Variants in ARFGAP2 observed in about 807,000 individuals in gnomAD.
ARFGAP2 encodes ARF GTPase activating protein 2.
ARFGAP2 carries 45 observed loss-of-function variants against 71.9 expected under a neutral mutation model. That is an observed-to-expected ratio of 0.63 (90% confidence interval 0.49 to 0.80). The LOEUF (loss-of-function observed/expected upper bound fraction) is 0.80. ARFGAP2 is among the 30% of genes least tolerant of loss of function. The pLI is 0.00. For missense variants in ARFGAP2, 633 were observed against 673.9 expected, an observed-to-expected ratio of 0.94 and a Z score of 0.67; for synonymous variants, 248 against 249.2, an observed-to-expected ratio of 1.00 and a Z score of 0.05.
chr11:47,175,614 G>A (rs753596251), intron 3 of ARFGAP2: 7 of 624,504 alleles, frequency 1.1e-5, no homozygotes, highest in African/African-American at 3.7e-5. Flanking sequence ...CAATGACTGT[G>A]AAGGCTCCCA....
At position 47,171,686 on chromosome 11, in the gene ARFGAP2, T is replaced by C. The variant is rs527666355; in HGVS notation, c.787A>G (p.Lys263Glu). Residue 263 changes from lysine to glutamate, a missense_variant, in exon 9 of 16, where the codon AAG becomes GAG. Coordinates refer to ENST00000524782, the MANE Select transcript of ARFGAP2 (RefSeq NM_032389.6). ...KLREQQAADA[K>E]KQAEESMVAS... is the part of the protein sequence containing the mutation. ...TACATGGACTCCTCCGCCTGCTTCT[T>C]GGCATCGGCTGCCTGCTGCTCACGG... 1 of 1,613,854 alleles carries C rather than the reference T, an allele frequency of 6.2e-7. No homozygotes were observed. Among genetic ancestry groups the C allele is most frequent in the African/African-American group, 1.3e-5 (1 of 75,056 alleles).
chr11:47,175,061 T>C lies in ARFGAP2; in HGVS notation c.434A>G (p.His145Arg). ...IDNMSSAVPN[H>R]SPEKKDSDFF... ...ATCAGAGTCCTTCTTCTCTGGGGAG[T>C]GATTAGGAACGGCACTACTCATGTT... Residue 145 changes from histidine (H) to arginine (R), a missense_variant, in exon 5 of 16, where the codon CAC (histidine) becomes CGC (arginine). Transcript: ENST00000524782. 1 of 1,613,584 alleles carries C rather than the reference T, an allele frequency of 6.2e-7. No individual in the cohort carries two copies. The highest frequency in any genetic ancestry group is 8.5e-7 in the Non-Finnish European group (1 of 1,179,938).
Position 47,167,952 on chromosome 11 carries a change from CCTT to C in ARFGAP2, c.1159_1161del (p.Lys387del), listed in dbSNP as rs761074026. 1.9e-6 allele frequency: 3 copies of C among 1,613,808 alleles called. No individual in the cohort carries two copies. The highest frequency in any genetic ancestry group is 2.5e-6 in the Non-Finnish European group (3 of 1,179,850). On this transcript the variant is annotated inframe_deletion, in exon 12 of 16. Transcript: ENST00000524782. ...ATGCTTGAGATGGTCACTTCTGGCT[CCTT>C]CTCCTCTACCCTGTCCATACCCCAG...
chr11:47,174,508 G>T (rs2135436477), intron 5 of ARFGAP2: 1 of 156,986 alleles, frequency 6.4e-6, no homozygotes, highest in East Asian at 1.8e-4. Flanking sequence ...CCATTCTCCT[G>T]CCTCAGCCTC....
Position 47,165,284 on chromosome 11 carries a change from G to T in ARFGAP2, c.*198C>A. 1.9e-6 allele frequency: 1 copy of T among 526,392 alleles called. No homozygotes were observed. Among genetic ancestry groups the T allele is most frequent in the Non-Finnish European group, 3.2e-6 (1 of 312,956 alleles). The allele number at this position is 526,392 out of a possible 1,614,324, so 32.6% of individuals were successfully genotyped here. On this transcript the variant is annotated 3_prime_UTR_variant, in exon 16 of 16. Coordinates refer to ENST00000524782, the MANE Select transcript of ARFGAP2 (RefSeq NM_032389.6). ...GGTGTGAGAGGGAATAAAGGGCTCA[G>T]TCCACAGGCAGAGGACAAGGGCTGG... is the stretch of plus-strand genomic sequence containing the variant.
At chr11:47,175,763 G>C (rs981035214) in intron 3 of ARFGAP2, 88 bp downstream of exon 3, 3 of 1,500,252 alleles carry the variant, frequency 2.0e-6, no homozygotes, top group Non-Finnish European at 1.9e-6. Context: ...CCTCTGAACA[G>C]GGAAAACGAC....
Position 47,167,902 on chromosome 11 carries a change from ACT to A in ARFGAP2, c.1205+5_1205+6del. ...AGAAAGAAAAAAGAAAAAACAGCCC[ACT>A]CTACCTTTCTGAAATAGGCCGGATG... On this transcript the variant is annotated splice_donor_5th_base_variant and intron_variant, in intron 12 of 15. Coordinates refer to ENST00000524782, the MANE Select transcript of ARFGAP2 (RefSeq NM_032389.6). The A allele has an allele frequency of 1.9e-6, 3 of 1,592,430 alleles. No individual in the cohort carries two copies. Among genetic ancestry groups the A allele is most frequent in the Non-Finnish European group, 2.6e-6 (3 of 1,170,836 alleles).
chr11:47,173,965 G>C, intron 5 of ARFGAP2, 125 bp from the exon 6 acceptor site: 3 of 1,505,290 alleles, frequency 2.0e-6, no homozygotes, highest in Non-Finnish European at 2.7e-6. Flanking sequence ...GGGACTGGAG[G>C]GTAGCAAACA....
At position 47,174,935 on chromosome 11, in the gene ARFGAP2, A is replaced by G. The variant is rs1043735867; in HGVS notation, c.480+80T>C. 3 of 1,456,276 alleles carry G rather than the reference A, an allele frequency of 2.1e-6. No homozygotes were observed. The African/African-American group carries it at 4.2e-5, about 20-fold the overall frequency. The allele number at this position is 1,456,276 out of a possible 1,614,324, so 90.2% of individuals were successfully genotyped here. A position where few individuals can be genotyped will look rare whatever the true frequency, so the allele number is the denominator to read the frequency against. Reference sequence around the variant, plus strand: ...CACATCAAAGCAAATGGAATCTACAACCATGATCACAGAAGGCCTGGGCCT... The same window carrying G: ...CACATCAAAGCAAATGGAATCTACAGCCATGATCACAGAAGGCCTGGGCCT... On this transcript the variant is annotated intron_variant, in intron 5 of 15. Coordinates refer to ENST00000524782, the MANE Select transcript of ARFGAP2 (RefSeq NM_032389.6).
Position 47,166,492 on chromosome 11 carries a change from CA to C in ARFGAP2, c.1426+13del. 1.2e-6 allele frequency: 2 copies of C among 1,612,946 alleles called. No individual in the cohort carries two copies. The highest frequency in any genetic ancestry group is 1.7e-6 in the Non-Finnish European group (2 of 1,179,792). The stretch of plus-strand genomic sequence containing the variant: ...AGGCCTCACTTGGTGCCTGCCACCC[CA>C]CCAGGGCCCTACCTGCTCCGTGAGC... On this transcript the variant is annotated intron_variant, in intron 14 of 15. Coordinates refer to ENST00000524782, the MANE Select transcript of ARFGAP2 (RefSeq NM_032389.6).
rs1952594254 is a variant in ARFGAP2 at position 47,171,409 on chromosome 11, C to G, written c.941+17G>C. Reference sequence around the variant, plus strand: ...AAACAACGGCATTTCCCTGCCACACCCGGAGCTGAGCCTCACCTTCGGGAT... The same window carrying G: ...AAACAACGGCATTTCCCTGCCACACGCGGAGCTGAGCCTCACCTTCGGGAT... On this transcript the variant is annotated intron_variant, in intron 10 of 15. Coordinates refer to ENST00000524782, the MANE Select transcript of ARFGAP2 (RefSeq NM_032389.6). The G allele has an allele frequency of 2.5e-6, 4 of 1,613,738 alleles. No individual in the cohort carries two copies. The highest frequency in any genetic ancestry group is 3.4e-6 in the Non-Finnish European group (4 of 1,179,748).
intron 6 of ARFGAP2, 32 bp from the exon 7 acceptor site, chr11:47,173,514 G>C (rs202184638): frequency 6.5e-7 from 1 of 1,532,202 alleles, no homozygotes; most frequent in South Asian, 1.2e-5. Context: ...TTAGAGATGA[G>C]CTCCTAGCTT....
In ARFGAP2 at chr11:47,165,511, G is replaced by A. The variant is rs777589535; in HGVS notation, c.1546-9C>T. On this transcript the variant is annotated splice_polypyrimidine_tract_variant and intron_variant, in intron 15 of 15. Transcript: ENST00000524782. Reference sequence around the variant, plus strand: ...TAGGAACCGTAGCGATCCTGGGGGCGAGGGGGGAGAAAAAAAAAAAAAAAG... The same window carrying A: ...TAGGAACCGTAGCGATCCTGGGGGCAAGGGGGGAGAAAAAAAAAAAAAAAG... 4 of 1,534,834 alleles carry A rather than the reference G, an allele frequency of 2.6e-6. No homozygotes were observed. The highest frequency in any genetic ancestry group is 2.4e-5 in the East Asian group (1 of 41,774).
Position 47,168,157 on chromosome 11 carries a change from C to T in ARFGAP2, c.1036G>A (p.Asp346Asn), listed in dbSNP as rs369659958. 3.7e-5 allele frequency: 60 copies of T among 1,614,224 alleles called. No homozygotes were observed. In the East Asian group the frequency reaches 8.2e-4, roughly 22 times the overall value. ...CCAGAGGCGAAAGTACCAACATCGT[C>T]AAACAAGTCCAGCTGCGAGCGAGAG... ...KSSRSQLDLF[D>N]DVGTFASGPP... The change falls in exon 11 of 16, where the codon GAC becomes AAC. Residue 346 changes from aspartate (D) to asparagine (N), a missense_variant. Coordinates refer to ENST00000524782, the MANE Select transcript of ARFGAP2 (RefSeq NM_032389.6).
chr11:47,173,950 G>A, intron 5 of ARFGAP2, 110 bp from the exon 6 acceptor site: 2 of 1,529,556 alleles, frequency 1.3e-6, no homozygotes, highest in Non-Finnish European at 8.8e-7. Flanking sequence ...AAACCCATGA[G>A]GAAAGGGACT....
At position 47,166,450 on chromosome 11, in the gene ARFGAP2, C is replaced by CCTCCCGCCCTG. The variant is rs1274264569; in HGVS notation, c.1426+45_1426+55dup. 6.8e-6 allele frequency: 11 copies of CCTCCCGCCCTG among 1,608,668 alleles called. No homozygotes were observed. In the African/African-American group the frequency reaches 1.3e-4, roughly 20 times the overall value. ...AAGCCCTTCCCAGTCACAGCAGGGCCCTCCCGCCCTGCTCCCAGGCCTCAC... is the reference window on the plus strand; with the variant it reads ...AAGCCCTTCCCAGTCACAGCAGGGCCCTCCCGCCCTGCTCCCGCCCTGCTCCCAGGCCTCAC... On this transcript the variant is annotated intron_variant, in intron 14 of 15. Coordinates refer to ENST00000524782, the MANE Select transcript of ARFGAP2 (RefSeq NM_032389.6).
In ARFGAP2 at chr11:47,165,421, C is replaced by G; in HGVS notation, c.*61G>C. ...CTTCCACAAGGCAAAGCATCCCCAG[C>G]CTGGGAACTGTGGAGTTCTTGTTGC... On this transcript the variant is annotated 3_prime_UTR_variant, in exon 16 of 16. Transcript: ENST00000524782. The G allele has an allele frequency of 6.5e-7, 1 of 1,542,544 alleles. No individual in the cohort carries two copies. Among genetic ancestry groups the G allele is most frequent in the Non-Finnish European group, 8.7e-7 (1 of 1,143,738 alleles).
intron 8 of ARFGAP2, 151 bp downstream of exon 8, chr11:47,172,130 A>G: frequency 1.2e-6 from 1 of 853,278 alleles, no homozygotes; most frequent in Non-Finnish European, 1.9e-6. Flanking sequence ...AATCCCTTTA[A>G]ATCTTTAAAT....
intron 12 of ARFGAP2, 118 bp from the exon 13 acceptor site, chr11:47,167,004 G>GTCTGTGGC (rs1952411692): frequency 5.3e-6 from 7 of 1,328,808 alleles, no homozygotes; most frequent in South Asian, 2.8e-5. Flanking sequence ...GTCCCATTCT[G>GTCTGTGGC]TCTGTGGCTC....
Sources: allele counts gnomAD v4.1 joint callset, GRCh38; gene constraint gnomAD v4.1.1; transcripts MANE v1.5; gene names NCBI Gene and HGNC (gene_info 2026-07-23, HGNC 2026-07-21).